PTK2: variants seen among roughly 807,000 people sequenced by gnomAD.
The protein encoded by PTK2 is protein tyrosine kinase 2.
Under a neutral mutation model 150.1 loss-of-function variants are expected in PTK2, and 45 were observed. The observed-to-expected ratio is 0.30, with a 90% CI of 0.24 to 0.38. The LOEUF (loss-of-function observed/expected upper bound fraction) is 0.38, where lower values mean the gene tolerates loss of function less well. Among genes scored for constraint, PTK2 ranks in the 10% least tolerant of loss-of-function variants. The pLI is 1.00. For synonymous variants in PTK2, 432 were observed against 449.2 expected, an observed-to-expected ratio of 0.96 and a Z score of 0.48; for missense variants, 919 against 1,307.3, an observed-to-expected ratio of 0.70 and a Z score of 4.58.
chr8:140,749,593 G>A (rs536280793), intron 17 of PTK2, among the ~76,000 whole-genome samples: 108 of 152,298 alleles, frequency 7.1e-4, no homozygotes, highest in Non-Finnish European at 1.2e-3. Context: ...ACATATTCTT[G>A]CTCATTCTTT....
intron 5 of PTK2, among the ~76,000 whole-genome samples, chr8:140,857,231 ACT>A (rs2100133247): frequency 6.6e-6 from 1 of 152,000 alleles, no homozygotes; most frequent in Admixed American, 6.6e-5. Flanking sequence ...CTGGATCTGA[ACT>A]CTGTCATCCC....
intron 7 of PTK2, among the ~76,000 whole-genome samples, chr8:140,840,757 T>C (rs2100121878): frequency 6.6e-6 from 1 of 152,170 alleles, no homozygotes; most frequent in South Asian, 2.1e-4. Flanking sequence ...GAGTCCAATA[T>C]ATCACGCATC....
chr8:140,704,274 G>C (rs1420365532), intron 24 of PTK2, among the ~76,000 whole-genome samples: 5 of 152,134 alleles, frequency 3.3e-5, no homozygotes, highest in African/African-American at 1.2e-4. Context: ...CTCATAGTTG[G>C]TCTCATTTAC....
At chr8:140,797,578 CTTACA>C (rs1163121460) in intron 12 of PTK2, among the ~76,000 whole-genome samples, 1 of 152,176 alleles carries the variant, frequency 6.6e-6, no homozygotes, top group East Asian at 1.9e-4. Context: ...AGAAAACCTA[CTTACA>C]ATTATGTAAT....
chr8:140,858,430 A>G (rs536444531), intron 5 of PTK2, among the ~76,000 whole-genome samples: 1 of 151,996 alleles, frequency 6.6e-6, no homozygotes, highest in Non-Finnish European at 1.5e-5. Flanking sequence ...AGGGCAGAAA[A>G]AAAAAAAGAA....
At chr8:140,845,927 T>C (rs1737716578) in intron 7 of PTK2, among the ~76,000 whole-genome samples, 1 of 152,188 alleles carries the variant, frequency 6.6e-6, no homozygotes, top group African/African-American at 2.4e-5. Flanking sequence ...CAATCTGTAG[T>C]AACTTATACA....
intron 1 of PTK2, among the ~76,000 whole-genome samples, chr8:140,972,032 T>C (rs745951044): frequency 3.3e-5 from 5 of 152,232 alleles, no homozygotes; most frequent in Admixed American, 6.5e-5. Flanking sequence ...AGTATTTCGA[T>C]GTATCCTGTC....
At chr8:140,862,377 AG>A (rs1381930917) in intron 5 of PTK2, among the ~76,000 whole-genome samples, 5 of 152,224 alleles carry the variant, frequency 3.3e-5, no homozygotes, top group Admixed American at 6.5e-5. Context: ...CTAAAGGATG[AG>A]ATGTAATAAT....
At chr8:140,727,004 A>G (rs1233307525) in intron 22 of PTK2, among the ~76,000 whole-genome samples, 1 of 152,258 alleles carries the variant, frequency 6.6e-6, no homozygotes, top group Non-Finnish European at 1.5e-5. Context: ...ATGAAGTACA[A>G]TGATTAACTC....
intron 7 of PTK2, among the ~76,000 whole-genome samples, chr8:140,834,368 A>G (rs2100117408): frequency 6.6e-6 from 1 of 152,214 alleles, no homozygotes; most frequent in African/African-American, 2.4e-5. Flanking sequence ...TACCATGACA[A>G]TGCAGAAGGC....
At chr8:140,832,365 C>T (rs1200255863) in intron 7 of PTK2, among the ~76,000 whole-genome samples, 1 of 152,104 alleles carries the variant, frequency 6.6e-6, no homozygotes, top group Non-Finnish European at 1.5e-5. Context: ...TCAGAGAGTT[C>T]TTAATTTGAA....
intron 1 of PTK2, among the ~76,000 whole-genome samples, chr8:140,961,189 A>G (rs2100183053): frequency 1.3e-5 from 2 of 152,232 alleles, no homozygotes; most frequent in African/African-American, 4.8e-5. Context: ...AGACAGGCAA[A>G]TAACTACACC....
chr8:140,931,824 C>G (rs570753578), intron 1 of PTK2, among the ~76,000 whole-genome samples: 48 of 146,500 alleles, frequency 3.3e-4, no homozygotes, highest in African/African-American at 1.2e-3. Context: ...TAGTCCCAGC[C>G]TGGGAGGCTG....
chr8:140,931,237 T>C (rs1484019597), intron 1 of PTK2, among the ~76,000 whole-genome samples: 1 of 152,198 alleles, frequency 6.6e-6, no homozygotes, highest in Non-Finnish European at 1.5e-5. Context: ...TTGTGTAACC[T>C]TCTGGAGGTG....
Position 140,782,909 on chromosome 8 carries a change from T to G in PTK2, c.1177+6565A>C, listed in dbSNP as rs576621230. Among the ~76,000 whole-genome samples the G allele has an allele frequency of 5.9e-5, 9 of 152,212 alleles. No individual in the cohort carries two copies. The South Asian group carries it at 1.9e-3, about 32-fold the overall frequency. ...CACGCAAACTCTTTCAAAGTATTAT[T>G]TCCTTCCACACATTTATATTATCAA... On this transcript the variant is annotated intron_variant, in intron 14 of 31. Transcript: ENST00000522684.
chr8:140,790,794 A>T (rs1184759238), intron 13 of PTK2, among the ~76,000 whole-genome samples: 2 of 152,228 alleles, frequency 1.3e-5, no homozygotes, highest in South Asian at 4.1e-4. Flanking sequence ...ACAACTCATT[A>T]CTTTCTCTTC....
chr8:140,740,066 C>A (rs893046763), intron 20 of PTK2, among the ~76,000 whole-genome samples: 2 of 152,162 alleles, frequency 1.3e-5, no homozygotes, highest in Admixed American at 6.5e-5. Flanking sequence ...TCTAGGGAAG[C>A]CTGAAATCAG....
At chr8:140,918,199 C>T (rs749692189) in intron 2 of PTK2, among the ~76,000 whole-genome samples, 6 of 152,154 alleles carry the variant, frequency 3.9e-5, no homozygotes, top group Non-Finnish European at 1.5e-5. Context: ...AGGAAGAGTT[C>T]GGGGTGTTTG....
At chr8:140,773,053 G>T (rs576836027) in intron 14 of PTK2, among the ~76,000 whole-genome samples, 1 of 152,342 alleles carries the variant, frequency 6.6e-6, no homozygotes, top group Non-Finnish European at 1.5e-5. Flanking sequence ...CCAGAACAGA[G>T]TGACCACTCC....
Sources: allele counts gnomAD v4.1 joint callset (sites outside exome capture counted in the v4.1 genomes callset), GRCh38; gene constraint gnomAD v4.1.1; transcripts MANE v1.5; gene names NCBI Gene and HGNC (gene_info 2026-07-23, HGNC 2026-07-21).